Variants in TNFRSF10C observed in about 807,000 individuals in gnomAD.
The protein encoded by TNFRSF10C is TNF receptor superfamily member 10c.
Under a neutral mutation model 16.7 loss-of-function variants are expected in TNFRSF10C, and 17 were observed. That is an observed-to-expected ratio of 1.02 (90% confidence interval 0.70 to 1.53). The LOEUF is 1.53. Among genes scored for constraint, TNFRSF10C ranks in the 40% most tolerant of loss-of-function variants. TNFRSF10C has a pLI of 0.00. For synonymous variants in TNFRSF10C, 73 were observed against 119.7 expected (o/e 0.61, Z 2.55); for missense variants, 237 against 329.7 (o/e 0.72, Z 2.18).
At chr8:23,114,880 C>T in intron 3 of TNFRSF10C, 110 bp downstream of exon 3, 1 of 826,522 alleles carries the variant, frequency 1.2e-6, no homozygotes. Flanking sequence ...TGGTCTTCAT[C>T]ACCCTGTTCT....
At chr8:23,115,418 G>T in intron 3 of TNFRSF10C, 90 bp from the exon 4 acceptor site, 2 of 1,120,018 alleles carry the variant, frequency 1.8e-6, no homozygotes, top group Non-Finnish European at 2.6e-6. Flanking sequence ...GGTGAACTTG[G>T]TTGAGCTGAG....
intron 1 of TNFRSF10C, among the ~76,000 whole-genome samples, chr8:23,108,166 A>AAGGAAGGAAC (rs1813813415): frequency 6.6e-6 from 1 of 152,072 alleles, no homozygotes; most frequent in African/African-American, 2.4e-5. Flanking sequence ...ACAGGAAGGA[A>AAGGAAGGAAC]AGGAAGGAAC....
At chr8:23,107,680 A>G (rs1813803258) in intron 1 of TNFRSF10C, among the ~76,000 whole-genome samples, 2 of 152,234 alleles carry the variant, frequency 1.3e-5, no homozygotes, top group Admixed American at 1.3e-4. Flanking sequence ...GGGGAAAAGG[A>G]GTAAAAAAAT....
In TNFRSF10C at chr8:23,117,103, C is replaced by T. The variant is rs927486780; in HGVS notation, c.*72C>T. The T allele has an allele frequency of 2.7e-5, 43 of 1,564,098 alleles. No homozygotes were observed. The South Asian group carries it at 3.1e-4, about 11-fold the overall frequency. On this transcript the variant is annotated 3_prime_UTR_variant, in exon 5 of 5. Transcript: ENST00000356864. ...GTAGGCGCTGGCTGAGGGCGGGGGG[C>T]GCTGGACACTCTCTGCCCTGCCTCC...
At chr8:23,109,422 G>A (rs73546661) in intron 1 of TNFRSF10C, among the ~76,000 whole-genome samples, 8,749 of 152,080 alleles carry the variant, frequency 0.058, 746 homozygotes, top group African/African-American at 0.19. Flanking sequence ...TGGATCACGA[G>A]GTCAGAAAAT....
intron 1 of TNFRSF10C, 36 bp downstream of exon 1, chr8:23,103,217 C>T (rs1305938412): frequency 6.3e-7 from 1 of 1,596,980 alleles, no homozygotes; most frequent in South Asian, 1.1e-5. Context: ...TGGGGAAGAG[C>T]GCACCTGGCG....
Position 23,102,952 on chromosome 8 carries a change from C to T in TNFRSF10C, c.-170C>T. 2.0e-6 allele frequency: 3 copies of T among 1,503,748 alleles called. No homozygotes were observed. The highest frequency in any genetic ancestry group is 2.7e-6 in the Non-Finnish European group (3 of 1,119,428). 93.2% of individuals were successfully genotyped at this position (1,503,748 alleles called of 1,614,324 possible). A position where few individuals can be genotyped will look rare whatever the true frequency, so the allele number is the denominator to read the frequency against. ...GCAGCTGTGGGAACCTCTCCACGCG[C>T]ACGAACTCAGCCAACGATTTCTGAT... is the stretch of plus-strand genomic sequence containing the variant. On this transcript the variant is annotated 5_prime_UTR_variant, in exon 1 of 5. Coordinates refer to ENST00000356864, the MANE Select transcript of TNFRSF10C (RefSeq NM_003841.5).
intron 1 of TNFRSF10C, among the ~76,000 whole-genome samples, chr8:23,104,902 G>C (rs1256771798): frequency 6.6e-6 from 1 of 152,116 alleles, no homozygotes; most frequent in South Asian, 2.1e-4. Context: ...GGTCAGTTGG[G>C]GCCAGTCCCT....
In TNFRSF10C at chr8:23,116,695, G is replaced by C; in HGVS notation, c.444G>C (p.Gln148His). The C allele has an allele frequency of 6.2e-7, 1 of 1,614,250 alleles. No homozygotes were observed. Among genetic ancestry groups the C allele is most frequent in the Non-Finnish European group, 8.5e-7 (1 of 1,180,044 alleles). ...ATTGTACGTCCTGGGATGATATCCAGTGTGTTGAAGAATTTGGTGCCAATG... is the reference window on the plus strand; with the variant it reads ...ATTGTACGTCCTGGGATGATATCCACTGTGTTGAAGAATTTGGTGCCAATG... ...VSNCTSWDDI[Q>H]CVEEFGANAT... Residue 148 changes from glutamine to histidine, a missense_variant, in exon 5 of 5, where the codon CAG (glutamine) becomes CAC (histidine). Coordinates refer to ENST00000356864, the MANE Select transcript of TNFRSF10C (RefSeq NM_003841.5).
rs1461763188 is a variant in TNFRSF10C at position 23,112,552 on chromosome 8, T to C, written c.166+727T>C. Among the ~76,000 whole-genome samples the C allele has an allele frequency of 5.3e-5, 8 of 152,230 alleles. No homozygotes were observed. In the South Asian group the frequency reaches 1.4e-3, roughly 28 times the overall value. On this transcript the variant is annotated intron_variant, in intron 2 of 4. Coordinates refer to ENST00000356864, the MANE Select transcript of TNFRSF10C (RefSeq NM_003841.5). ...GACCAACTTTTTCTGATTCCACATA[T>C]GTGAGATCATGAGGTGTTTGCCTTT...
chr8:23,117,041 C>T lies in TNFRSF10C; in HGVS notation c.*10C>T, dbSNP rs370518771. 17 of 1,611,454 alleles carry T rather than the reference C, an allele frequency of 1.1e-5. No homozygotes were observed. Among genetic ancestry groups the T allele is most frequent in the African/African-American group, 4.0e-5 (3 of 74,836 alleles). On this transcript the variant is annotated 3_prime_UTR_variant, in exon 5 of 5. Transcript: ENST00000356864. ...GATTGTGTTTGTTTGAAAGACTTCACTGTGGAAGAAATTCCTTCCTTACCT... is the reference window on the plus strand; with the variant it reads ...GATTGTGTTTGTTTGAAAGACTTCATTGTGGAAGAAATTCCTTCCTTACCT...
rs752809788 is a variant in TNFRSF10C, at chr8:23,114,822, T to A, written c.280+52T>A. On this transcript the variant is annotated intron_variant, in intron 3 of 4. Transcript: ENST00000356864. ...AGAGGTGGAGCGTGGGGCAATGAGG[T>A]GGGAGTTGTAGCCGATATGAGTCAG... is the stretch of plus-strand genomic sequence containing the variant. 1.1e-5 allele frequency: 17 copies of A among 1,528,798 alleles called. No individual in the cohort carries two copies. The African/African-American group carries it at 1.5e-4, about 14-fold the overall frequency. 94.7% of individuals were successfully genotyped at this position (1,528,798 alleles called of 1,614,324 possible).
intron 1 of TNFRSF10C, among the ~76,000 whole-genome samples, chr8:23,111,406 A>G (rs1188881007): frequency 2.0e-5 from 3 of 151,958 alleles, no homozygotes; most frequent in African/African-American, 7.3e-5. Flanking sequence ...TAGTAGAGAC[A>G]GGGTTTCACC....
chr8:23,103,111 G>T lies in TNFRSF10C; in HGVS notation c.-11G>T. Reference sequence around the variant, plus strand: ...CGACCCAGGACCCAGGACGGCGTCGGGAACCATACCATGGCCCGGATCCCC... The same window carrying T: ...CGACCCAGGACCCAGGACGGCGTCGTGAACCATACCATGGCCCGGATCCCC... On this transcript the variant is annotated 5_prime_UTR_variant, in exon 1 of 5. The change creates a premature stop within an existing upstream ORF in the 5' untranslated region. Coordinates refer to ENST00000356864, the MANE Select transcript of TNFRSF10C (RefSeq NM_003841.5). The T allele has an allele frequency of 6.2e-7, 1 of 1,610,278 alleles. No homozygotes were observed. Among genetic ancestry groups the T allele is most frequent in the South Asian group, 1.1e-5 (1 of 90,080 alleles).
intron 1 of TNFRSF10C, among the ~76,000 whole-genome samples, chr8:23,111,344 G>A (rs1303044404): frequency 1.3e-5 from 2 of 151,938 alleles, no homozygotes; most frequent in Non-Finnish European, 2.9e-5. Flanking sequence ...AGCCTCCTGA[G>A]TAGCTGGGAT....
intron 1 of TNFRSF10C, among the ~76,000 whole-genome samples, chr8:23,110,928 G>T (rs1563343756): frequency 6.6e-6 from 1 of 152,106 alleles, no homozygotes; most frequent in Non-Finnish European, 1.5e-5. Context: ...TATGTGTGTG[G>T]TTTTTTAAAA....
Position 23,117,179 on chromosome 8 carries a change from G to T in TNFRSF10C, c.*148G>T. The T allele has an allele frequency of 8.1e-7, 1 of 1,237,332 alleles. No homozygotes were observed. The highest frequency in any genetic ancestry group is 1.1e-6 in the Non-Finnish European group (1 of 896,798). The allele number at this position is 1,237,332 out of a possible 1,614,324, so 76.6% of individuals were successfully genotyped here. Reference sequence around the variant, plus strand: ...ACGCCTGCCCCTGCCCCAAGTCCTGGTGTCTCCAGCCTGGCTCTATCTTCC... The same window carrying T: ...ACGCCTGCCCCTGCCCCAAGTCCTGTTGTCTCCAGCCTGGCTCTATCTTCC... On this transcript the variant is annotated 3_prime_UTR_variant, in exon 5 of 5. Coordinates refer to ENST00000356864, the MANE Select transcript of TNFRSF10C (RefSeq NM_003841.5).
chr8:23,114,406 C>G (rs1181877375), intron 2 of TNFRSF10C: 1 of 347,844 alleles, frequency 2.9e-6, no homozygotes, highest in Admixed American at 4.4e-5. Flanking sequence ...TGGCCTCATT[C>G]TTTTTACTAT....
Position 23,117,156 on chromosome 8 carries a change from G to C in TNFRSF10C, c.*125G>C, listed in dbSNP as rs565868783. 1.4e-6 allele frequency: 2 copies of C among 1,390,658 alleles called. No individual in the cohort carries two copies. Among genetic ancestry groups the C allele is most frequent in the African/African-American group, 1.4e-5 (1 of 69,356 alleles). 86.1% of individuals were successfully genotyped at this position (1,390,658 alleles called of 1,614,324 possible). A position where few individuals can be genotyped will look rare whatever the true frequency, so the allele number is the denominator to read the frequency against. ...CTGCTGTGTTCCCACAGACAGAAAC[G>C]CCTGCCCCTGCCCCAAGTCCTGGTG... On this transcript the variant is annotated 3_prime_UTR_variant, in exon 5 of 5. Coordinates refer to ENST00000356864, the MANE Select transcript of TNFRSF10C (RefSeq NM_003841.5).
Sources: allele counts gnomAD v4.1 joint callset (sites outside exome capture counted in the v4.1 genomes callset), GRCh38; gene constraint gnomAD v4.1.1; transcripts MANE v1.5; gene names NCBI Gene and HGNC (gene_info 2026-07-23, HGNC 2026-07-21).